Variants in PSMB7 observed in about 807,000 individuals in gnomAD.
PSMB7 encodes the protein proteasome subunit beta type-7.
In PSMB7, 5 loss-of-function variants were observed where a neutral mutation model predicts 28.1. The ratio of observed to expected loss-of-function variants is 0.18; its 90% CI spans 0.09 to 0.37. The LOEUF (loss-of-function observed/expected upper bound fraction) is 0.37. Ranked by LOEUF, PSMB7 falls within the 10% of genes least tolerant of loss-of-function variation. The probability of loss-of-function intolerance (pLI) is 1.00; values close to 1 mark genes in which losing one functional copy is unlikely to be tolerated. For synonymous variants in PSMB7, 122 were observed against 123.7 expected (o/e 0.99, Z 0.09); for missense variants, 275 against 346.2 (o/e 0.79, Z 1.63).
intron 6 of PSMB7, among the ~76,000 whole-genome samples, chr9:124,362,716 A>T (rs1830474389): frequency 1.6e-5 from 2 of 121,300 alleles, no homozygotes; most frequent in Non-Finnish European, 3.6e-5. Context: ...CTAAGATTTA[A>T]GTGTTCTCAC....
In PSMB7 at chr9:124,405,386, C is replaced by T. The variant is rs1251886907; in HGVS notation, c.442G>A (p.Val148Ile). ...GAALVLGGVDVTGPHLYSIYP... is the reference protein window; with the variant it reads ...GAALVLGGVDITGPHLYSIYP... ...ATGCTGTAGAGGTGAGGTCCAGTAA[C>T]ATCTACTCCCCCTAAAACTAGGGCT... is the stretch of plus-strand genomic sequence containing the variant. Residue 148 changes from valine to isoleucine, a missense_variant, in exon 5 of 8, where the codon GTT becomes ATT. Physicochemically the swap from Val to Ile is conservative, Grantham distance 29. This residue lies in a region of PSMB7 where 213 missense variants were observed against 302.4 expected (regional missense o/e 0.70). Coordinates refer to ENST00000259457, the MANE Select transcript of PSMB7 (RefSeq NM_002799.4). 5 of 1,613,810 alleles carry T rather than the reference C, an allele frequency of 3.1e-6. No homozygotes were observed. Among genetic ancestry groups the T allele is most frequent in the Non-Finnish European group, 4.2e-6 (5 of 1,179,852 alleles).
intron 5 of PSMB7, 41 bp downstream of exon 5, chr9:124,405,272 GGTAA>G: frequency 7.6e-7 from 1 of 1,323,654 alleles, no homozygotes; most frequent in Non-Finnish European, 1.1e-6. Flanking sequence ...AGACCATCGT[GGTAA>G]GTAAGAGTAC....
chr9:124,354,977 G>C (rs1273137383), intron 7 of PSMB7, among the ~76,000 whole-genome samples: 1 of 152,242 alleles, frequency 6.6e-6, no homozygotes, highest in Non-Finnish European at 1.5e-5. Flanking sequence ...GAGGGCTGCG[G>C]GCAGACAGGC....
chr9:124,360,868 C>T (rs1830459523), intron 6 of PSMB7, among the ~76,000 whole-genome samples: 2 of 152,174 alleles, frequency 1.3e-5, no homozygotes, highest in Non-Finnish European at 2.9e-5. Flanking sequence ...AATAAAGGTA[C>T]AGAAAGCACC....
chr9:124,391,401 T>C (rs1830785762), intron 5 of PSMB7, among the ~76,000 whole-genome samples: 2 of 152,214 alleles, frequency 1.3e-5, no homozygotes, highest in African/African-American at 2.4e-5. Flanking sequence ...GCCTGGGAGA[T>C]GGAGCTATCT....
chr9:124,403,854 A>G (rs1830936003), intron 5 of PSMB7, among the ~76,000 whole-genome samples: 1 of 151,716 alleles, frequency 6.6e-6, no homozygotes, highest in African/African-American at 2.4e-5. Flanking sequence ...ATTCTACTCA[A>G]ATCTCACCTT....
intron 4 of PSMB7, among the ~76,000 whole-genome samples, chr9:124,407,832 C>T (rs1453951589): frequency 1.3e-5 from 2 of 152,050 alleles, no homozygotes; most frequent in African/African-American, 4.8e-5. Flanking sequence ...AACTGTACAA[C>T]AGAACATCAC....
rs772581332 is a variant in PSMB7, at chr9:124,414,959, G to C, written c.63-24C>G. ...TCCTAAGAGCAAATGAGAGAATCAA[G>C]TGTTGAAGGGCAGGACCACATCGCA... On this transcript the variant is annotated intron_variant, in intron 1 of 7. Transcript: ENST00000259457. 4 of 1,528,488 alleles carry C rather than the reference G, an allele frequency of 2.6e-6. No individual in the cohort carries two copies. The African/African-American group carries it at 4.1e-5, about 16-fold the overall frequency. 94.7% of individuals were successfully genotyped at this position (1,528,488 alleles called of 1,614,324 possible). A position where few individuals can be genotyped will look rare whatever the true frequency, so the allele number is the denominator to read the frequency against.
intron 5 of PSMB7, among the ~76,000 whole-genome samples, chr9:124,390,034 C>T (rs911767499): frequency 2.0e-5 from 3 of 152,196 alleles, no homozygotes; most frequent in South Asian, 2.1e-4. Context: ...CAGATAACTA[C>T]ATCAAGACTC....
chr9:124,360,761 A>G (rs1830457829), intron 6 of PSMB7, among the ~76,000 whole-genome samples: 1 of 152,254 alleles, frequency 6.6e-6, no homozygotes, highest in East Asian at 1.9e-4. Context: ...ACTGCTGGGC[A>G]ACCCTGGACA....
At chr9:124,410,936 CAT>C (rs1168076063) in intron 4 of PSMB7, among the ~76,000 whole-genome samples, 7 of 152,180 alleles carry the variant, frequency 4.6e-5, no homozygotes, top group South Asian at 4.2e-4. Context: ...ATTACGGCCA[CAT>C]GTTTCCAATG....
At chr9:124,395,734 T>A (rs1418632809) in intron 5 of PSMB7, among the ~76,000 whole-genome samples, 1 of 152,140 alleles carries the variant, frequency 6.6e-6, no homozygotes, top group Non-Finnish European at 1.5e-5. Context: ...AAATAGGGGT[T>A]ATGAGGTTCC....
At chr9:124,376,171 A>C (rs991178511) in intron 6 of PSMB7, among the ~76,000 whole-genome samples, 1 of 152,166 alleles carries the variant, frequency 6.6e-6, no homozygotes, top group Non-Finnish European at 1.5e-5. Flanking sequence ...TTTTTGTTCA[A>C]GTTATTCATG....
intron 6 of PSMB7, among the ~76,000 whole-genome samples, chr9:124,365,592 G>A (rs1830499957): frequency 6.6e-6 from 1 of 152,088 alleles, no homozygotes; most frequent in African/African-American, 2.4e-5. Flanking sequence ...GGACAACAAC[G>A]GACTGCATAT....
chr9:124,415,343 A>G, intron 1 of PSMB7, 21 bp downstream of exon 1: 1 of 1,612,754 alleles, frequency 6.2e-7, no homozygotes, highest in Non-Finnish European at 8.5e-7. Context: ...TCCCTGAACC[A>G]AGCCCCAAGC....
intron 5 of PSMB7, among the ~76,000 whole-genome samples, chr9:124,385,410 C>T (rs952530700): frequency 4.6e-5 from 7 of 152,298 alleles, no homozygotes; most frequent in African/African-American, 1.4e-4. Flanking sequence ...TACAAATAAG[C>T]GTGGGCTCCC....
intron 4 of PSMB7, among the ~76,000 whole-genome samples, chr9:124,409,331 A>T (rs1299653017): frequency 6.6e-6 from 1 of 152,254 alleles, no homozygotes; most frequent in Non-Finnish European, 1.5e-5. Context: ...TATAAGAAAA[A>T]AAGTTACAAT....
intron 4 of PSMB7, among the ~76,000 whole-genome samples, chr9:124,408,014 T>A (rs991205531): frequency 6.6e-6 from 1 of 152,018 alleles, no homozygotes; most frequent in Admixed American, 6.6e-5. Context: ...CAACAAAAAA[T>A]TAGACAAACA....
rs1276139232 is a variant in PSMB7, at chr9:124,412,991, G to A, written c.255-499C>T. The stretch of plus-strand genomic sequence containing the variant: ...TAGGTACAAAATCCTACGGGAAACC[G>A]GAGGAGAAGGTAATTGATTCTGATC... On this transcript the variant is annotated intron_variant, in intron 3 of 7. Transcript: ENST00000259457. Among the ~76,000 whole-genome samples, 3 of 151,656 alleles carry A rather than the reference G, an allele frequency of 2.0e-5. No individual in the cohort carries two copies. In the South Asian group the frequency reaches 6.3e-4, roughly 32 times the overall value.
Sources: gnomAD v4.1 joint callset for allele counts (sites outside exome capture counted in the v4.1 genomes callset) on GRCh38, gnomAD v4.1.1 for gene constraint, gnomAD v4.1.1 regional missense constraint, MANE v1.5 for transcripts, NCBI Gene and HGNC (gene_info 2026-07-23, HGNC 2026-07-21) for gene names.